Variants in ANO1 observed in about 807,000 individuals in gnomAD.
ANO1 encodes anoctamin 1.
Under a neutral mutation model 124.0 loss-of-function variants are expected in ANO1, and 59 were observed. That is an observed-to-expected ratio of 0.48 (90% CI 0.39 to 0.59). The LOEUF (loss-of-function observed/expected upper bound fraction) is 0.59. Ranked by LOEUF, ANO1 falls within the 20% of genes least tolerant of loss-of-function variation. ANO1 has a pLI of 0.00. For synonymous variants in ANO1, 529 were observed against 532.0 expected, an observed-to-expected ratio of 0.99 and a Z score of 0.08; for missense variants, 1,059 against 1,328.0, an observed-to-expected ratio of 0.80 and a Z score of 3.15.
intron 11 of ANO1, among the ~76,000 whole-genome samples, chr11:70,141,194 G>A (rs142728406): frequency 2.2e-3 from 338 of 152,306 alleles, no homozygotes; most frequent in Admixed American, 5.8e-3. Context: ...ACATGTAGGC[G>A]TAGTGCTACT....
the ANO1 span, among the ~76,000 whole-genome samples, chr11:69,970,610 G>C: frequency 6.6e-6 from 1 of 152,318 alleles, no homozygotes; most frequent in South Asian, 2.1e-4. Flanking sequence ...GTTTTTTCAT[G>C]TCTGTCATGA....
At chr11:69,973,595 C>T in the ANO1 span, among the ~76,000 whole-genome samples, 8 of 152,210 alleles carry the variant, frequency 5.3e-5, no homozygotes, top group East Asian at 9.7e-4. Context: ...GTTCCTTAGC[C>T]GGGCGCGGTG....
intron 1 of ANO1, among the ~76,000 whole-genome samples, chr11:70,083,734 C>G (rs2044270775): frequency 6.6e-6 from 1 of 152,178 alleles, no homozygotes; most frequent in South Asian, 2.1e-4. Context: ...GGAGCCCCAA[C>G]CAGGTTCTCA....
At chr11:70,061,040 C>T (rs1001207560) in intron 1 of ANO1, among the ~76,000 whole-genome samples, 5 of 152,100 alleles carry the variant, frequency 3.3e-5, no homozygotes, top group Non-Finnish European at 5.9e-5. Flanking sequence ...TATCCAACAA[C>T]GCCTAAGAAC....
chr11:69,984,985 C>T (rs542836916), upstream of ANO1, among the ~76,000 whole-genome samples: 1 of 152,352 alleles, frequency 6.6e-6, no homozygotes, highest in Admixed American at 6.5e-5. Flanking sequence ...TGTGGGTACA[C>T]AAGGAGGCGC....
chr11:70,188,180 G>A lies in ANO1; in HGVS notation c.*176G>A. On this transcript the variant is annotated 3_prime_UTR_variant, in exon 26 of 26. Coordinates refer to ENST00000355303, the MANE Select transcript of ANO1 (RefSeq NM_018043.7). ...TTCTTCTTTCTGTTTTCTTTCCCTT[G>A]TTTTTGCACAAAGCCATTATGCAGG... 1 of 778,820 alleles carries A rather than the reference G, an allele frequency of 1.3e-6. No homozygotes were observed. Among genetic ancestry groups the A allele is most frequent in the South Asian group, 1.9e-5 (1 of 52,732 alleles). The allele number at this position is 778,820 out of a possible 1,614,324, so 48.2% of individuals were successfully genotyped here. A position where few individuals can be genotyped will look rare whatever the true frequency, so the allele number is the denominator to read the frequency against.
chr11:70,163,324 CCTT>C lies in ANO1; in HGVS notation c.1936_1938del (p.Phe646del). 6.2e-7 allele frequency: 1 copy of C among 1,614,032 alleles called. No individual in the cohort carries two copies. Among genetic ancestry groups the C allele is most frequent in the Non-Finnish European group, 8.5e-7 (1 of 1,179,904 alleles). ...GGCGACTACGTGTACATTTTCCGTT[CCTT>C]CCGAATGGAAGAGGTAACCGAAATT... On this transcript the variant is annotated inframe_deletion, in exon 19 of 26. Transcript: ENST00000355303.
chr11:69,999,057 T>C (rs1856330924), intron 1 of ANO1, among the ~76,000 whole-genome samples: 1 of 150,716 alleles, frequency 6.6e-6, no homozygotes, highest in Admixed American at 6.6e-5. Context: ...AGAGATTTTT[T>C]AAAAAGAAAG....
At chr11:70,073,960 G>C (rs1453630417), upstream of ANO1, among the ~76,000 whole-genome samples, 1 of 151,282 alleles carries the variant, frequency 6.6e-6, no homozygotes, top group Non-Finnish European at 1.5e-5. Context: ...GCCTCTGCTC[G>C]GGCACTGACA....
intron 1 of ANO1, among the ~76,000 whole-genome samples, chr11:70,052,810 C>T (rs545355709): frequency 6.6e-6 from 1 of 151,952 alleles, no homozygotes; most frequent in Non-Finnish European, 1.5e-5. Flanking sequence ...CCATCTTGGC[C>T]TCCCAAAGTC....
chr11:70,178,186 G>A (rs764569868), intron 22 of ANO1, among the ~76,000 whole-genome samples: 6 of 152,230 alleles, frequency 3.9e-5, no homozygotes, highest in African/African-American at 1.4e-4. Flanking sequence ...CGGAGTCCAC[G>A]GAGGGCCCTC....
intron 1 of ANO1, among the ~76,000 whole-genome samples, chr11:69,997,286 C>T (rs189075231): frequency 6.6e-6 from 1 of 152,244 alleles, no homozygotes; most frequent in Admixed American, 6.5e-5. Flanking sequence ...ACCCCCACCC[C>T]CACCTCCACT....
chr11:70,040,889 G>A (rs1857172660), intron 1 of ANO1, among the ~76,000 whole-genome samples: 1 of 152,162 alleles, frequency 6.6e-6, no homozygotes, highest in African/African-American at 2.4e-5. Flanking sequence ...TAGAAGAAAA[G>A]GTGTAAGTCT....
chr11:69,992,775 T>G (rs1415654981), intron 1 of ANO1, among the ~76,000 whole-genome samples: 1 of 152,218 alleles, frequency 6.6e-6, no homozygotes, highest in Non-Finnish European at 1.5e-5. Flanking sequence ...TGCCTCTGCC[T>G]GGCATTGTTC....
At chr11:70,172,028 G>T (rs1426053767) in intron 22 of ANO1, among the ~76,000 whole-genome samples, 3 of 151,288 alleles carry the variant, frequency 2.0e-5, no homozygotes, top group African/African-American at 7.3e-5. Context: ...GCTGAGGCAG[G>T]AGGATCATGT....
chr11:70,028,162 G>A (rs1034064779), intron 1 of ANO1, among the ~76,000 whole-genome samples: 3 of 152,320 alleles, frequency 2.0e-5, no homozygotes, highest in Non-Finnish European at 2.9e-5. Flanking sequence ...GGTGTGACCC[G>A]AAGTGTCTTT....
intron 1 of ANO1, among the ~76,000 whole-genome samples, chr11:70,026,650 T>G (rs1241136983): frequency 6.6e-6 from 1 of 152,154 alleles, no homozygotes; most frequent in Non-Finnish European, 1.5e-5. Flanking sequence ...CCAGGGTCAC[T>G]TTCTCAAATT....
At chr11:70,003,575 A>G in intron 1 of ANO1, among the ~76,000 whole-genome samples, 1 of 138,952 alleles carries the variant, frequency 7.2e-6, no homozygotes, top group African/African-American at 2.7e-5. Context: ...GGGCTTAATA[A>G]ATTGTTGGTG....
intron 2 of ANO1, among the ~76,000 whole-genome samples, chr11:70,095,302 A>AGG (rs58978959): frequency 0.093 from 6,442 of 69,162 alleles, 1,028 homozygotes; most frequent in Non-Finnish European, 0.1. Context: ...GAAGGAAGGA[A>AGG]AGAAAGAAAG....
Sources: allele counts gnomAD v4.1 joint callset (sites outside exome capture counted in the v4.1 genomes callset), GRCh38; gene constraint gnomAD v4.1.1; transcripts MANE v1.5; gene names NCBI Gene and HGNC (gene_info 2026-07-23, HGNC 2026-07-21).